The following ZNF570 variants were observed in gnomAD, a reference collection of about 807,000 sequenced individuals.
The protein encoded by ZNF570 is zinc finger protein 570.
Under a neutral mutation model 14.2 loss-of-function variants are expected in ZNF570, and 8 were observed. That is an observed-to-expected ratio of 0.56 (90% CI 0.33 to 1.02). The LOEUF (loss-of-function observed/expected upper bound fraction) is 1.02, where lower values mean the gene tolerates loss of function less well. Among genes scored for constraint, ZNF570 ranks in the 50% least tolerant of loss-of-function variants. ZNF570 has a pLI of 0.03. For synonymous variants in ZNF570, 202 were observed against 207.6 expected (o/e 0.97, Z 0.23); for missense variants, 559 against 624.9 (o/e 0.89, Z 1.12).
At chr19:37,472,852 A>T (rs1198720621) in intron 2 of ZNF570, among the ~76,000 whole-genome samples, 3 of 152,156 alleles carry the variant, frequency 2.0e-5, no homozygotes, top group Non-Finnish European at 4.4e-5. Context: ...GATGTTAAAG[A>T]TTCAGTAGAA....
At chr19:37,471,791 C>T (rs2041968252) in intron 2 of ZNF570, among the ~76,000 whole-genome samples, 1 of 152,060 alleles carries the variant, frequency 6.6e-6, no homozygotes, top group Non-Finnish European at 1.5e-5. Context: ...CTGAATGGGA[C>T]AAGGATAGAA....
At chr19:37,471,187 G>T (rs1485859642) in intron 2 of ZNF570, among the ~76,000 whole-genome samples, 2 of 150,902 alleles carry the variant, frequency 1.3e-5, no homozygotes, top group African/African-American at 4.9e-5. Context: ...CTAATTTTTT[G>T]TATTTTTAGT....
chr19:37,485,200 A>G lies in ZNF570; in HGVS notation c.1578A>G (p.Ser526=). 1 of 1,571,464 alleles carries G rather than the reference A, an allele frequency of 6.4e-7. No homozygotes were observed. The highest frequency in any genetic ancestry group is 8.6e-7 in the Non-Finnish European group (1 of 1,160,142). The change falls in exon 5 of 5, where the codon TCA becomes TCG. Residue 526 remains serine (S), a synonymous_variant. Transcript: ENST00000330173. The stretch of plus-strand genomic sequence containing the variant: ...GAATTCACATTGGGGAGTCACTGTC[A>G]CCACCCAACCCAGTCAATCACCAAG... ...HQRIHIGESL[S]PPNPVNHQVL
At chr19:37,481,057 A>G (rs1488038853) in intron 4 of ZNF570, among the ~76,000 whole-genome samples, 1 of 151,782 alleles carries the variant, frequency 6.6e-6, no homozygotes, top group African/African-American at 2.4e-5. Context: ...TTTATATACT[A>G]TTCATATCAA....
intron 4 of ZNF570, among the ~76,000 whole-genome samples, chr19:37,481,996 CT>C (rs2042092835): frequency 6.6e-6 from 1 of 152,186 alleles, no homozygotes; most frequent in South Asian, 2.1e-4. Context: ...TGCCAGACTA[CT>C]TTAGGTACCT....
chr19:37,478,781 G>A (rs538243490), intron 4 of ZNF570, among the ~76,000 whole-genome samples: 1 of 151,270 alleles, frequency 6.6e-6, no homozygotes, highest in East Asian at 1.9e-4. Flanking sequence ...CTCTTAATAG[G>A]TTTTAGTTTT....
intron 2 of ZNF570, among the ~76,000 whole-genome samples, chr19:37,471,337 A>G (rs777181582): frequency 2.6e-4 from 39 of 152,288 alleles, no homozygotes; most frequent in Middle Eastern, 3.4e-3. Context: ...TTCTTAATGC[A>G]TGGCCTTGCA....
At chr19:37,470,189 T>C in intron 1 of ZNF570, 115 bp from the exon 2 acceptor site, 3 of 861,212 alleles carry the variant, frequency 3.5e-6, no homozygotes, top group Non-Finnish European at 5.4e-6. Context: ...CATTATGCTC[T>C]CTCTATTGGA....
Sources: gnomAD v4.1 joint callset for allele counts (sites outside exome capture counted in the v4.1 genomes callset) on GRCh38, gnomAD v4.1.1 for gene constraint, MANE v1.5 for transcripts, NCBI Gene and HGNC (gene_info 2026-07-23, HGNC 2026-07-21) for gene names.